Variants in DNAJC6 observed in about 807,000 individuals in gnomAD.
DNAJC6 encodes DnaJ heat shock protein family (Hsp40) member C6.
Under a neutral mutation model 110.0 loss-of-function variants are expected in DNAJC6, and 34 were observed. That is an observed-to-expected ratio of 0.31 (90% confidence interval 0.24 to 0.41). The LOEUF (loss-of-function observed/expected upper bound fraction) is 0.41, where lower values mean the gene tolerates loss of function less well. DNAJC6 is among the 10% of genes least tolerant of loss of function. The pLI, the probability that DNAJC6 is intolerant of heterozygous loss-of-function variation, is 1.00. For missense variants in DNAJC6, 1,031 were observed against 1,207.8 expected, an observed-to-expected ratio of 0.85 and a Z score of 2.17; for synonymous variants, 406 against 437.2, an observed-to-expected ratio of 0.93 and a Z score of 0.89.
upstream of DNAJC6, among the ~76,000 whole-genome samples, chr1:65,306,967 T>C (rs1434887276): frequency 8.3e-6 from 1 of 120,726 alleles, no homozygotes; most frequent in Non-Finnish European, 1.7e-5. Flanking sequence ...TCTCTCTCAA[T>C]CTGTTTCTCT....
chr1:65,278,136 A>C (rs1041297711), intron 1 of DNAJC6, among the ~76,000 whole-genome samples: 2 of 152,166 alleles, frequency 1.3e-5, no homozygotes, highest in Non-Finnish European at 2.9e-5. Flanking sequence ...CCTCTTTCCC[A>C]GGTTGCGCGC....
intron 1 of DNAJC6, among the ~76,000 whole-genome samples, chr1:65,302,304 T>C (rs1644994585): frequency 7.6e-6 from 1 of 131,842 alleles, no homozygotes; most frequent in African/African-American, 2.9e-5. Flanking sequence ...ATATATAATA[T>C]ATATGTTACA....
At position 65,334,423 on chromosome 1, in the gene DNAJC6, C is replaced by T. The variant is rs72915264; in HGVS notation, c.193+24485C>T. Among the ~76,000 whole-genome samples the T allele has an allele frequency of 5.4e-3, 823 of 152,276 alleles. 9 individuals are homozygous for T. Among genetic ancestry groups the T allele is most frequent in the African/African-American group, 0.019 (790 of 41,554 alleles). On this transcript the variant is annotated intron_variant, in intron 1 of 18. Coordinates refer to ENST00000371069, the MANE Select transcript of DNAJC6 (RefSeq NM_001256864.2). ...GGTGATCCAGAAGAAAGTGAGAGCA[C>T]GGGCTGTTGGGAGAACTGCAAAGAG...
At chr1:65,355,882 C>CTTTTTTT (rs372078909) in intron 1 of DNAJC6, among the ~76,000 whole-genome samples, 4 of 82,846 alleles carry the variant, frequency 4.8e-5, no homozygotes, top group African/African-American at 4.8e-5. Flanking sequence ...AACAGCATGG[C>CTTTTTTT]TTTTTTTTTT....
intron 1 of DNAJC6, among the ~76,000 whole-genome samples, chr1:65,284,963 C>T (rs911433439): frequency 6.6e-6 from 1 of 152,156 alleles, no homozygotes; most frequent in Non-Finnish European, 1.5e-5. Flanking sequence ...GCTGAGATTA[C>T]AGGCATGAGC....
intron 4 of DNAJC6, among the ~76,000 whole-genome samples, chr1:65,371,482 T>C (rs1645705269): frequency 6.6e-6 from 1 of 152,158 alleles, no homozygotes; most frequent in Non-Finnish European, 1.5e-5. Context: ...ATGATTAACA[T>C]TGGTAATAAT....
Position 65,386,916 on chromosome 1 carries a change from G to A in DNAJC6, c.1100G>A (p.Arg367Gln), listed in dbSNP as rs756818465. ...MYHLRSTIGS[R>Q]LQAKVTNTQI... ...CACTTGAGGTCAACCATTGGGAGCC[G>A]GCTACAGGCTAAGGTATGGTTTTTG... Residue 367 changes from arginine to glutamine, a missense_variant, in exon 8 of 19, where the codon CGG becomes CAG. Physicochemically the swap from Arg to Gln is conservative, Grantham distance 43 (BLOSUM62 1). Coordinates refer to ENST00000371069, the MANE Select transcript of DNAJC6 (RefSeq NM_001256864.2). The A allele has an allele frequency of 6.2e-6, 10 of 1,613,676 alleles. No homozygotes were observed. Among genetic ancestry groups the A allele is most frequent in the East Asian group, 2.2e-5 (1 of 44,884 alleles).
intron 1 of DNAJC6, among the ~76,000 whole-genome samples, chr1:65,281,963 G>A (rs991419930): frequency 2.0e-5 from 3 of 152,222 alleles, no homozygotes; most frequent in East Asian, 1.9e-4. Flanking sequence ...GTCTGGCCCA[G>A]TCACCAGGGC....
exon 1 of DNAJC6, chr1:65,264,884 A>G: frequency 6.2e-7 from 1 of 1,613,166 alleles, no homozygotes; most frequent in South Asian, 1.1e-5. Flanking sequence ...TTTCCTGCTC[A>G]TTTGCAGCAG....
At chr1:65,407,626 A>ACAATTCCATAGAGTCATGC (rs1646089357) in intron 16 of DNAJC6, among the ~76,000 whole-genome samples, 1 of 152,180 alleles carries the variant, frequency 6.6e-6, no homozygotes, top group Admixed American at 6.5e-5. Context: ...TATTTCCTGG[A>ACAATTCCATAGAGTCATGC]CAATTCCATA....
chr1:65,313,138 G>A (rs1645117468), intron 1 of DNAJC6, among the ~76,000 whole-genome samples: 1 of 151,950 alleles, frequency 6.6e-6, no homozygotes, highest in South Asian at 2.1e-4. Context: ...CTGCAGTCTG[G>A]ACCTCCTGGG....
chr1:65,413,721 C>T lies in DNAJC6; in HGVS notation c.*696C>T, dbSNP rs1432919668. On this transcript the variant is annotated 3_prime_UTR_variant, in exon 19 of 19. Coordinates refer to ENST00000371069, the MANE Select transcript of DNAJC6 (RefSeq NM_001256864.2). Reference sequence around the variant, plus strand: ...ATAGGGACTCTGAAGATGTCGAAATCTTTATTCCTGGTTAGGAAGGTGGGC... The same window carrying T: ...ATAGGGACTCTGAAGATGTCGAAATTTTTATTCCTGGTTAGGAAGGTGGGC... The T allele has an allele frequency of 6.6e-6, 1 of 152,152 alleles. No homozygotes were observed. Among genetic ancestry groups the T allele is most frequent in the African/African-American group, 2.4e-5 (1 of 41,432 alleles). 9.4% of individuals were successfully genotyped at this position (152,152 alleles called of 1,614,324 possible).
At chr1:65,284,685 CTGTTTTT>C (rs1653957035) in intron 1 of DNAJC6, among the ~76,000 whole-genome samples, 2 of 151,766 alleles carry the variant, frequency 1.3e-5, no homozygotes, top group African/African-American at 4.8e-5. Flanking sequence ...TCTGGACTCA[CTGTTTTT>C]TGTTTTTTTT....
At chr1:65,292,704 G>T (rs939290688) in intron 1 of DNAJC6, among the ~76,000 whole-genome samples, 2 of 151,830 alleles carry the variant, frequency 1.3e-5, no homozygotes, top group African/African-American at 4.8e-5. Flanking sequence ...CAAAGTACTG[G>T]GAATATAGGT....
chr1:65,301,859 G>A (rs1046063751), intron 1 of DNAJC6, among the ~76,000 whole-genome samples: 3 of 151,758 alleles, frequency 2.0e-5, no homozygotes, highest in African/African-American at 7.3e-5. Context: ...TGTCTTCTCT[G>A]TGCAGCATTT....
At chr1:65,311,291 C>T (rs1434187583) in intron 1 of DNAJC6, among the ~76,000 whole-genome samples, 1 of 123,224 alleles carries the variant, frequency 8.1e-6, no homozygotes, top group Non-Finnish European at 1.6e-5. Context: ...GGGATGCGAA[C>T]TCGGCGGACT....
intron 1 of DNAJC6, among the ~76,000 whole-genome samples, chr1:65,320,095 A>C (rs1172346392): frequency 6.6e-6 from 1 of 152,186 alleles, no homozygotes; most frequent in Non-Finnish European, 1.5e-5. Flanking sequence ...CAATTTAGGC[A>C]ATTGCATCTG....
At chr1:65,354,594 C>T (rs568421875) in intron 1 of DNAJC6, among the ~76,000 whole-genome samples, 1 of 152,292 alleles carries the variant, frequency 6.6e-6, no homozygotes, top group East Asian at 1.9e-4. Context: ...TCTCCCATAG[C>T]TTGGGAAATA....
chr1:65,371,403 A>G (rs896247786), intron 4 of DNAJC6, among the ~76,000 whole-genome samples: 5 of 152,066 alleles, frequency 3.3e-5, no homozygotes, highest in African/African-American at 1.2e-4. Context: ...TTTTTTTTAT[A>G]GGTTTGTTGT....
Sources: gnomAD v4.1 joint callset for allele counts (sites outside exome capture counted in the v4.1 genomes callset) on GRCh38, gnomAD v4.1.1 for gene constraint, MANE v1.5 for transcripts, NCBI Gene and HGNC (gene_info 2026-07-23, HGNC 2026-07-21) for gene names.